ROBO2: variants seen among roughly 807,000 people sequenced by gnomAD.
The protein encoded by ROBO2 is roundabout homolog 2.
A neutral mutation model predicts 160.8 loss-of-function variants in ROBO2; 53 were observed. That is an observed-to-expected ratio of 0.33 (90% CI 0.26 to 0.41). ROBO2 has a LOEUF of 0.41. Among genes scored for constraint, ROBO2 ranks in the 10% least tolerant of loss-of-function variants. ROBO2 has a pLI of 1.00. For synonymous variants in ROBO2, 664 were observed against 611.7 expected, an observed-to-expected ratio of 1.09 and a Z score of -1.26; for missense variants, 1,577 against 1,722.4, an observed-to-expected ratio of 0.92 and a Z score of 1.49.
At chr3:76,269,716 C>T (rs986693058) in intron 2 of ROBO2, among the ~76,000 whole-genome samples, 7 of 151,912 alleles carry the variant, frequency 4.6e-5, no homozygotes, top group Non-Finnish European at 1.0e-4. Flanking sequence ...AAGGCCAGGG[C>T]TTTCAGATTT....
At chr3:76,905,534 A>G (rs2075543342) in intron 2 of ROBO2, among the ~76,000 whole-genome samples, 1 of 152,192 alleles carries the variant, frequency 6.6e-6, no homozygotes, top group African/African-American at 2.4e-5. Flanking sequence ...TAGAAGAGTC[A>G]ATACCAAGCT....
Position 76,893,418 on chromosome 3 carries a change from G to C in ROBO2, c.110-204596G>C, listed in dbSNP as rs142736387. Among the ~76,000 whole-genome samples the C allele has an allele frequency of 5.9e-5, 9 of 151,904 alleles. No individual in the cohort carries two copies. In the East Asian group the frequency reaches 1.7e-3, roughly 29 times the overall value. ...CATTGGGGAAGAGCAGGATGGCTAGGAATTACCTTGGTGATGAAAAAAATG... is the reference window on the plus strand; with the variant it reads ...CATTGGGGAAGAGCAGGATGGCTAGCAATTACCTTGGTGATGAAAAAAATG... On this transcript the variant is annotated intron_variant, in intron 2 of 26. Coordinates refer to the ROBO2 transcript ENST00000487694.
At chr3:76,603,361 T>A (rs1578461927) in intron 2 of ROBO2, among the ~76,000 whole-genome samples, 42 of 103,590 alleles carry the variant, frequency 4.1e-4, no homozygotes, top group African/African-American at 1.2e-3. Flanking sequence ...AATATATATA[T>A]ATATATATAT....
intron 2 of ROBO2, among the ~76,000 whole-genome samples, chr3:77,254,593 G>GGA (rs2090732644): frequency 6.6e-6 from 1 of 152,018 alleles, no homozygotes; most frequent in Admixed American, 6.6e-5. Context: ...TTAGAGAGGT[G>GGA]GAGAAAATTG....
rs775050823 is a variant in ROBO2 at position 77,584,933 on chromosome 3, CAT to C, written c.2501-3806_2501-3805del. 8.8e-4 allele frequency among the ~76,000 whole-genome samples: 127 copies of C among 144,974 alleles called. 2 individuals are homozygous for C. Among genetic ancestry groups the C allele is most frequent in the East Asian group, 3.8e-3 (19 of 4,940 alleles). ...GTGTATACACACATACATATATATA[CAT>C]ATATATATATACACACACACATATA... On this transcript the variant is annotated intron_variant, in intron 16 of 25. Transcript: ENST00000461745.
chr3:76,543,645 A>T (rs1379185557), intron 2 of ROBO2, among the ~76,000 whole-genome samples: 1 of 152,052 alleles, frequency 6.6e-6, no homozygotes, highest in Non-Finnish European at 1.5e-5. Context: ...CACGGTTTTG[A>T]TGTAAATGTC....
rs185703103 is a variant in ROBO2, at chr3:76,437,688, A to G, written c.109+500086A>G. ...TGTAAACAAAGAGGAAGACTGTACA[A>G]TGTTTTTCACTTTTGTTTATGCTGT... is the stretch of plus-strand genomic sequence containing the variant. On this transcript the variant is annotated intron_variant, in intron 2 of 26. Transcript: ENST00000487694. 2.1e-4 allele frequency among the ~76,000 whole-genome samples: 32 copies of G among 152,274 alleles called. No homozygotes were observed. In the East Asian group the frequency reaches 4.8e-3, roughly 23 times the overall value.
intron 2 of ROBO2, among the ~76,000 whole-genome samples, chr3:77,352,303 T>G (rs563465363): frequency 6.6e-6 from 1 of 152,202 alleles, no homozygotes; most frequent in East Asian, 1.9e-4. Context: ...ATAGAAGTGT[T>G]GTCAAAACTC....
intron 2 of ROBO2, among the ~76,000 whole-genome samples, chr3:76,362,208 A>G (rs1379569934): frequency 8.6e-5 from 13 of 151,880 alleles, no homozygotes; most frequent in Non-Finnish European, 1.5e-5. Context: ...TACAAATAAT[A>G]CTAAAATTAG....
chr3:77,646,028 A>T, intron 25 of ROBO2, 26 bp from the exon 28 acceptor site: 1 of 1,551,232 alleles, frequency 6.4e-7, no homozygotes, highest in South Asian at 1.2e-5. Flanking sequence ...TTTATATTTT[A>T]TTTCTACTTT....
intron 2 of ROBO2, among the ~76,000 whole-genome samples, chr3:77,014,724 T>C (rs2062131339): frequency 6.6e-6 from 1 of 151,972 alleles, no homozygotes; most frequent in African/African-American, 2.4e-5. Flanking sequence ...CCACCTAAAT[T>C]TCACTCTATT....
At chr3:76,061,048 T>C (rs886307588) in intron 2 of ROBO2, among the ~76,000 whole-genome samples, 2 of 152,278 alleles carry the variant, frequency 1.3e-5, no homozygotes, top group African/African-American at 4.8e-5. Context: ...CCTGGTACGA[T>C]TTGCAGCCAC....
At chr3:76,658,152 T>A (rs1236770390) in intron 2 of ROBO2, among the ~76,000 whole-genome samples, 1 of 150,976 alleles carries the variant, frequency 6.6e-6, no homozygotes. Flanking sequence ...TTAAAAGTTA[T>A]ATATTATAGA....
intron 2 of ROBO2, among the ~76,000 whole-genome samples, chr3:77,395,128 C>A (rs1250716790): frequency 3.3e-5 from 5 of 152,096 alleles, no homozygotes; most frequent in Non-Finnish European, 5.9e-5. Context: ...ATTTTCTACC[C>A]TCCCTCCTCC....
At chr3:76,932,904 G>A (rs1011303334) in intron 2 of ROBO2, among the ~76,000 whole-genome samples, 7 of 150,676 alleles carry the variant, frequency 4.6e-5, no homozygotes, top group African/African-American at 1.5e-4. Flanking sequence ...CCCCCGCCCC[G>A]GCCCCGAGAA....
chr3:76,447,328 A>C (rs1040108968), intron 2 of ROBO2, among the ~76,000 whole-genome samples: 11 of 152,130 alleles, frequency 7.2e-5, no homozygotes, highest in Admixed American at 3.9e-4. Flanking sequence ...AATGCAAATC[A>C]AAACCACAAT....
chr3:76,508,577 TG>T (rs974250797), intron 2 of ROBO2, among the ~76,000 whole-genome samples: 1 of 152,158 alleles, frequency 6.6e-6, no homozygotes, highest in Non-Finnish European at 1.5e-5. Flanking sequence ...TCCATATCTA[TG>T]TTTAAAAATA....
At chr3:77,244,381 G>A (rs1190988098) in intron 2 of ROBO2, among the ~76,000 whole-genome samples, 1 of 152,184 alleles carries the variant, frequency 6.6e-6, no homozygotes, top group African/African-American at 2.4e-5. Flanking sequence ...TTGGACTTAG[G>A]AAGGATTTCA....
chr3:75,988,014 TTGTC>T (rs1430144514), intron 2 of ROBO2, among the ~76,000 whole-genome samples: 1 of 152,038 alleles, frequency 6.6e-6, no homozygotes, highest in Admixed American at 6.6e-5. Flanking sequence ...TGCAATGTCT[TTGTC>T]TGGTTTTGGT....
Sources: gnomAD v4.1 joint callset for allele counts (sites outside exome capture counted in the v4.1 genomes callset) on GRCh38, gnomAD v4.1.1 for gene constraint, MANE v1.5 for transcripts, NCBI Gene and HGNC (gene_info 2026-07-23, HGNC 2026-07-21) for gene names.